The following FRMPD4 variants were observed in gnomAD, a reference collection of about 807,000 sequenced individuals.
FRMPD4 encodes the protein FERM and PDZ domain containing 4, also known as FERM and PDZ domain-containing protein 4.
In FRMPD4, 22 loss-of-function variants were observed where a neutral mutation model predicts 94.1. The ratio of observed to expected loss-of-function variants is 0.23; its 90% CI spans 0.17 to 0.33. The LOEUF (loss-of-function observed/expected upper bound fraction) is 0.33, where lower values mean the gene tolerates loss of function less well. Ranked by LOEUF, FRMPD4 falls within the 10% of genes least tolerant of loss-of-function variation. The pLI is 1.00. For synonymous variants in FRMPD4, 631 were observed against 548.6 expected, an observed-to-expected ratio of 1.15 and a Z score of -2.10; for missense variants, 1,111 against 1,339.9, an observed-to-expected ratio of 0.83 and a Z score of 2.67.
intron 1 of FRMPD4, among the ~76,000 whole-genome samples, chrX:12,472,917 A>G (rs2057534197): frequency 9.1e-6 from 1 of 110,488 alleles, no homozygotes; most frequent in Non-Finnish European, 1.9e-5. Context: ...GAACTTCCCC[A>G]ATCTAACAAG....
intron 4 of FRMPD4, among the ~76,000 whole-genome samples, chrX:12,634,399 T>C (rs1010403366): frequency 1.8e-5 from 2 of 112,384 alleles, no homozygotes; most frequent in Non-Finnish European, 3.8e-5. Flanking sequence ...TTTTCATTTA[T>C]ATTTAATGTT....
rs1032112263 is a variant in FRMPD4, at chrX:12,722,813, A to C, written c.*955A>C. ...AAGTATTTGCAAACTTAAAAAAAGG[A>C]ACATTTAATGATCATCAAAATTAAG... On this transcript the variant is annotated 3_prime_UTR_variant, in exon 17 of 17. Transcript: ENST00000675598. 6.3e-5 allele frequency: 7 copies of C among 111,800 alleles called. No individual in the cohort carries two copies. The highest frequency in any genetic ancestry group is 2.3e-4 in the African/African-American group (7 of 30,763). 9.2% of individuals were successfully genotyped at this position (111,800 alleles called of 1,213,427 possible).
intron 3 of FRMPD4, among the ~76,000 whole-genome samples, chrX:11,882,235 T>A (rs2053818088): frequency 9.0e-6 from 1 of 110,923 alleles, no homozygotes; most frequent in South Asian, 3.8e-4. Context: ...AAAGAGGAGA[T>A]AGCCAAGAGA....
intron 16 of FRMPD4, among the ~76,000 whole-genome samples, chrX:12,720,029 G>C (rs1349520511): frequency 9.1e-5 from 3 of 32,875 alleles, no homozygotes; most frequent in Admixed American, 2.9e-4. Flanking sequence ...GGAAAGGAAA[G>C]GAAAGGAAAG....
intron 1 of FRMPD4, among the ~76,000 whole-genome samples, chrX:12,208,902 A>T (rs1396030988): frequency 2.7e-5 from 3 of 112,225 alleles, no homozygotes; most frequent in Non-Finnish European, 5.6e-5. Context: ...ATTGGAAGAA[A>T]CTACAACAAC....
At chrX:12,620,384 G>T (rs1289640114) in intron 4 of FRMPD4, among the ~76,000 whole-genome samples, 1 of 112,167 alleles carries the variant, frequency 8.9e-6, no homozygotes, top group African/African-American at 3.2e-5. Flanking sequence ...GGACCCTGAA[G>T]TAGCCCTATG....
intron 3 of FRMPD4, among the ~76,000 whole-genome samples, chrX:12,118,634 T>A (rs2055428885): frequency 8.9e-6 from 1 of 111,840 alleles, no homozygotes; most frequent in South Asian, 3.7e-4. Flanking sequence ...ACTTGGCTCA[T>A]CCTGCCTCCC....
intron 3 of FRMPD4, among the ~76,000 whole-genome samples, chrX:12,034,570 A>G (rs1304888014): frequency 9.0e-6 from 1 of 111,547 alleles, no homozygotes; most frequent in Non-Finnish European, 1.9e-5. Context: ...TGCTCCAGTC[A>G]CTAGCTTTAC....
At chrX:12,706,115 T>A (rs2041870639) in intron 11 of FRMPD4, among the ~76,000 whole-genome samples, 1 of 111,373 alleles carries the variant, frequency 9.0e-6, no homozygotes, top group South Asian at 3.8e-4. Context: ...AATACTCTTT[T>A]TAGTGATATG....
chrX:11,918,115 C>G (rs891432563), intron 3 of FRMPD4, among the ~76,000 whole-genome samples: 5 of 112,292 alleles, frequency 4.5e-5, no homozygotes, highest in African/African-American at 1.6e-4. Flanking sequence ...AATAGATGTT[C>G]TCTTACTTCA....
At chrX:12,245,164 G>A (rs901353902) in intron 1 of FRMPD4, among the ~76,000 whole-genome samples, 3 of 111,978 alleles carry the variant, frequency 2.7e-5, no homozygotes, top group African/African-American at 9.7e-5. Context: ...GGGCCTGCAG[G>A]AAGAGGGATG....
At chrX:12,615,416 G>A (rs2059226524) in intron 4 of FRMPD4, among the ~76,000 whole-genome samples, 1 of 112,168 alleles carries the variant, frequency 8.9e-6, no homozygotes, top group Non-Finnish European at 1.9e-5. Flanking sequence ...TAGTTTTATT[G>A]TAAATATAAG....
At chrX:12,606,379 A>C (rs2059132637) in intron 2 of FRMPD4, among the ~76,000 whole-genome samples, 1 of 111,590 alleles carries the variant, frequency 9.0e-6, no homozygotes, top group African/African-American at 3.3e-5. Context: ...CTTGGGAATC[A>C]CCTGCAGAGT....
intron 3 of FRMPD4, among the ~76,000 whole-genome samples, chrX:11,948,266 T>C (rs1304298898): frequency 9.0e-6 from 1 of 110,723 alleles, no homozygotes; most frequent in Non-Finnish European, 1.9e-5. Flanking sequence ...CCCAATGTGA[T>C]GCTATTAAGA....
intron 1 of FRMPD4, among the ~76,000 whole-genome samples, chrX:12,469,707 A>T (rs2057488511): frequency 8.9e-6 from 1 of 112,564 alleles, no homozygotes; most frequent in African/African-American, 3.2e-5. Flanking sequence ...AAGCAAGATG[A>T]TGAGTATTTC....
chrX:12,636,952 T>G (rs73632693), intron 4 of FRMPD4, among the ~76,000 whole-genome samples: 13,489 of 111,447 alleles, frequency 0.12, 870 homozygotes, highest in East Asian at 0.25. Flanking sequence ...AGGCTTAACT[T>G]GTATGTTTGT....
chrX:11,907,616 GGCACCAA>G (rs1376375035), intron 3 of FRMPD4, among the ~76,000 whole-genome samples: 1 of 110,936 alleles, frequency 9.0e-6, no homozygotes, highest in Admixed American at 9.6e-5. Context: ...CTTTTATAAG[GGCACCAA>G]TCCCATTCAT....
intron 3 of FRMPD4, among the ~76,000 whole-genome samples, chrX:12,085,869 A>C (rs950452174): frequency 9.0e-6 from 1 of 111,383 alleles, no homozygotes; most frequent in African/African-American, 3.3e-5. Context: ...ATTCTGTCTC[A>C]AAAAAAAATT....
chrX:11,834,241 A>G (rs1697475409), intron 1 of FRMPD4, among the ~76,000 whole-genome samples: 1 of 111,660 alleles, frequency 9.0e-6, no homozygotes, highest in African/African-American at 3.3e-5. Context: ...CAATCTATCC[A>G]TGTCAATAAG....
Sources: gnomAD v4.1 joint callset for allele counts (sites outside exome capture counted in the v4.1 genomes callset) on GRCh38, gnomAD v4.1.1 for gene constraint, MANE v1.5 for transcripts, NCBI Gene and HGNC (gene_info 2026-07-23, HGNC 2026-07-21) for gene names.